The following NEMP2 variants were observed in gnomAD, a reference collection of about 807,000 sequenced individuals.
NEMP2 encodes the protein nuclear envelope integral membrane protein 2.
A neutral mutation model predicts 54.2 loss-of-function variants in NEMP2; 53 were observed. That is an observed-to-expected ratio of 0.98 (90% CI 0.78 to 1.23). The LOEUF (loss-of-function observed/expected upper bound fraction) is 1.23. Among genes scored for constraint, NEMP2 ranks in the 50% most tolerant of loss-of-function variants. The pLI is 0.00. For missense variants in NEMP2, 455 were observed against 511.3 expected (o/e 0.89, Z 1.06); for synonymous variants, 197 against 190.3 (o/e 1.04, Z -0.29).
At chr2:190,475,949 C>T in the NEMP2 span, among the ~76,000 whole-genome samples, 2 of 151,572 alleles carry the variant, frequency 1.3e-5, no homozygotes, top group East Asian at 3.9e-4. Flanking sequence ...CTGACAAAAA[C>T]AAGAAATAGG....
At chr2:190,475,138 C>T in the NEMP2 span, among the ~76,000 whole-genome samples, 6 of 152,130 alleles carry the variant, frequency 3.9e-5, no homozygotes, top group Non-Finnish European at 8.8e-5. Context: ...GGAAGCATTC[C>T]CTTTGAAAAC....
At chr2:190,560,127 G>A in the NEMP2 span, among the ~76,000 whole-genome samples, 1 of 152,198 alleles carries the variant, frequency 6.6e-6, no homozygotes, top group South Asian at 2.1e-4. This position sits in a 1 kb window ranked among gnomAD's most constrained non-coding sequence, Gnocchi z 5.4. Context: ...TGAGAAGCCA[G>A]GTGAGTTGCT....
chr2:190,500,040 C>T (rs1369759839), downstream of NEMP2: 2 of 1,614,058 alleles, frequency 1.2e-6, no homozygotes, highest in Non-Finnish European at 1.7e-6. This position sits in a 1 kb window ranked among gnomAD's most constrained non-coding sequence, Gnocchi z 5.3. Flanking sequence ...AGGGAAAATT[C>T]TCCTGCTGGT....
chr2:190,537,016 G>A (rs922651134), upstream of NEMP2, among the ~76,000 whole-genome samples: 3 of 152,070 alleles, frequency 2.0e-5, no homozygotes, highest in African/African-American at 7.3e-5. Flanking sequence ...AAGCAGAGAG[G>A]AGAAAAAATC....
the NEMP2 span, among the ~76,000 whole-genome samples, chr2:190,633,505 G>T: frequency 6.6e-6 from 1 of 151,660 alleles, no homozygotes; most frequent in Admixed American, 6.6e-5. Context: ...GTAGAGACGG[G>T]GTTTCACCAT....
At chr2:190,422,994 T>C in the NEMP2 span, among the ~76,000 whole-genome samples, 1 of 152,156 alleles carries the variant, frequency 6.6e-6, no homozygotes, top group Non-Finnish European at 1.5e-5. Context: ...AGAAAATACA[T>C]TATCAGCACC....
chr2:190,450,950 A>G, the NEMP2 span, among the ~76,000 whole-genome samples: 3 of 152,202 alleles, frequency 2.0e-5, no homozygotes, highest in African/African-American at 7.2e-5. Flanking sequence ...AGGAATCCTC[A>G]GTGATGCAGT....
chr2:190,630,056 C>T, the NEMP2 span, among the ~76,000 whole-genome samples: 1 of 152,146 alleles, frequency 6.6e-6, no homozygotes, highest in African/African-American at 2.4e-5. The surrounding 1 kb of genome is among the most constrained non-coding windows in gnomAD (Gnocchi z 5.5). Context: ...TTCGGATGCT[C>T]AAGGCACTTT....
At chr2:190,572,833 G>GTA in the NEMP2 span, among the ~76,000 whole-genome samples, 1,646 of 47,488 alleles carry the variant, frequency 0.035, 75 homozygotes, top group African/African-American at 0.07. Flanking sequence ...CTTTTCATGA[G>GTA]TATATATATA....
At chr2:190,624,250 TATC>T in the NEMP2 span, among the ~76,000 whole-genome samples, 1 of 152,212 alleles carries the variant, frequency 6.6e-6, no homozygotes, top group Non-Finnish European at 1.5e-5. Context: ...CACAATGAGA[TATC>T]ATCTCACCCT....
chr2:190,487,835 C>T, the NEMP2 span, among the ~76,000 whole-genome samples: 2 of 152,152 alleles, frequency 1.3e-5, no homozygotes, highest in Non-Finnish European at 2.9e-5. The surrounding 1 kb of genome is among the most constrained non-coding windows in gnomAD (Gnocchi z 5.5). Flanking sequence ...AAGGTAGTTC[C>T]TCAAAGTGTT....
rs1315779170 is a variant in NEMP2, at chr2:190,529,964, T to C, written c.98-4586A>G. On this transcript the variant is annotated intron_variant, in intron 1 of 8. Coordinates refer to ENST00000409150, the MANE Select transcript of NEMP2 (RefSeq NM_001142645.2). This position sits in a 1 kb window ranked among gnomAD's most constrained non-coding sequence, Gnocchi z 4.7. ...ATACATCCATAGCTAGAGGGTTGAGTACTGTAACCCTTAACATCCTCTGGA... is the reference window on the plus strand; with the variant it reads ...ATACATCCATAGCTAGAGGGTTGAGCACTGTAACCCTTAACATCCTCTGGA... Among the ~76,000 whole-genome samples the C allele has an allele frequency of 6.6e-6, 1 of 152,182 alleles. No homozygotes were observed. The highest frequency in any genetic ancestry group is 1.5e-5 in the Non-Finnish European group (1 of 68,034).
chr2:190,589,740 G>A, the NEMP2 span, among the ~76,000 whole-genome samples: 1 of 152,274 alleles, frequency 6.6e-6, no homozygotes, highest in African/African-American at 2.4e-5. The surrounding 1 kb of genome is among the most constrained non-coding windows in gnomAD (Gnocchi z 4.3). Flanking sequence ...AACTCAAGCT[G>A]TTCTCATGGC....
At chr2:190,526,834 A>G (rs1312863097) in intron 1 of NEMP2, among the ~76,000 whole-genome samples, 1 of 152,190 alleles carries the variant, frequency 6.6e-6, no homozygotes, top group Non-Finnish European at 1.5e-5. Context: ...TTGGCTGGAG[A>G]CAGATGTAGA....
At chr2:190,643,611 T>C in the NEMP2 span, among the ~76,000 whole-genome samples, 1 of 152,226 alleles carries the variant, frequency 6.6e-6, no homozygotes, top group Non-Finnish European at 1.5e-5. Flanking sequence ...GATGAATTAA[T>C]ACTGATAAAG....
the NEMP2 span, chr2:190,469,654 G>A: frequency 3.7e-3 from 2,161 of 576,806 alleles, 13 homozygotes; most frequent in Non-Finnish European, 5.0e-3. The surrounding 1 kb of genome is among the most constrained non-coding windows in gnomAD (Gnocchi z 5.3). Context: ...GAAAAGGTAG[G>A]TAATATTTGC....
chr2:190,629,074 G>A, the NEMP2 span, among the ~76,000 whole-genome samples: 3 of 152,198 alleles, frequency 2.0e-5, no homozygotes, highest in Admixed American at 1.3e-4. Flanking sequence ...TGTGCAGAGC[G>A]TCAGTCCTAG....
the NEMP2 span, among the ~76,000 whole-genome samples, chr2:190,553,813 ACT>A: frequency 6.6e-6 from 1 of 152,036 alleles, no homozygotes; most frequent in East Asian, 1.9e-4. Flanking sequence ...ATCTCCATGG[ACT>A]CTTTTATTAC....
At chr2:190,648,342 C>G in the NEMP2 span, 1 of 152,192 alleles carries the variant, frequency 6.6e-6, no homozygotes, top group Non-Finnish European at 1.5e-5. Flanking sequence ...GGCAGAGATG[C>G]TCTCCCAGCC....
Sources: allele counts gnomAD v4.1 joint callset (sites outside exome capture counted in the v4.1 genomes callset), GRCh38; gene constraint gnomAD v4.1.1; non-coding constraint Gnocchi (gnomAD v3.1); transcripts MANE v1.5; gene names NCBI Gene and HGNC (gene_info 2026-07-23, HGNC 2026-07-21).